Variants in TUBA4B observed in about 807,000 individuals in gnomAD.
TUBA4B encodes the protein tubulin-like protein alpha-4B.
In TUBA4B, 13 loss-of-function variants were observed where a neutral mutation model predicts 18.4. The observed-to-expected ratio is 0.71, with a 90% CI of 0.46 to 1.12. TUBA4B has a LOEUF of 1.12. Among genes scored for constraint, TUBA4B ranks in the 50% most tolerant of loss-of-function variants. The pLI, the probability that TUBA4B is intolerant of heterozygous loss-of-function variation, is 0.00. For synonymous variants in TUBA4B, 101 were observed against 99.1 expected (o/e 1.02, Z -0.11); for missense variants, 244 against 250.0 (o/e 0.98, Z 0.16).
rs190952247 is a variant in TUBA4B, at chr2:219,264,560, A to T, written c.13-1961A>T. On this transcript the variant is annotated intron_variant, in intron 1 of 3. Coordinates refer to ENST00000490341, the MANE Select transcript of TUBA4B (RefSeq NM_001355221.1). ...TTGAGCGGTGGGGCTGTTATGAGGT[A>T]GAATAAGGGTTACATGAGCAGAAGC... Among the ~76,000 whole-genome samples the T allele has an allele frequency of 1.5e-4, 23 of 152,266 alleles. No homozygotes were observed. In the East Asian group the frequency reaches 3.7e-3, roughly 24 times the overall value.
chr2:219,272,118 G>T lies in TUBA4B; in HGVS notation c.*419G>T. 1.3e-6 allele frequency: 1 copy of T among 759,744 alleles called. No individual in the cohort carries two copies. The highest frequency in any genetic ancestry group is 4.3e-5 in the East Asian group (1 of 23,144). The allele number at this position is 759,744 out of a possible 1,614,324, so 47.1% of individuals were successfully genotyped here. ...GGGCATGGATAGTGTGGAGTGGGGG[G>T]AAGAAAAGATAGGGGGGATGAATAC... On this transcript the variant is annotated 3_prime_UTR_variant, in exon 4 of 4. Coordinates refer to ENST00000490341, the MANE Select transcript of TUBA4B (RefSeq NM_001355221.1).
At chr2:219,253,891 C>G (rs559586186) in intron 1 of TUBA4B, 2 of 1,418,472 alleles carry the variant, frequency 1.4e-6, no homozygotes, top group African/African-American at 3.0e-5. Context: ...CACGTTGAGT[C>G]GGGGTGACAG....
Position 219,271,599 on chromosome 2 carries a change from C to T in TUBA4B, c.626C>T (p.Pro209Leu). Residue 209 changes from proline (P) to leucine (L), a missense_variant, in exon 4 of 4, where the codon CCA (proline) becomes CTA (leucine). Pro to Leu is a moderately conservative substitution (Grantham distance 98). Coordinates refer to ENST00000490341, the MANE Select transcript of TUBA4B (RefSeq NM_001355221.1). ...VSYLTSTSPW[P>L]PMHQSSLQKR... is the part of the protein sequence containing the mutation. Reference sequence around the variant, plus strand: ...TACCTCACATCCACTTCCCCCTGGCCACCTATGCACCAGTCATCTCTGCAG... The same window carrying T: ...TACCTCACATCCACTTCCCCCTGGCTACCTATGCACCAGTCATCTCTGCAG... 2 of 1,614,152 alleles carry T rather than the reference C, an allele frequency of 1.2e-6. No homozygotes were observed. Among genetic ancestry groups the T allele is most frequent in the Non-Finnish European group, 1.7e-6 (2 of 1,179,982 alleles).
intron 1 of TUBA4B, among the ~76,000 whole-genome samples, chr2:219,259,124 T>TAATTAATA: frequency 7.4e-6 from 1 of 134,420 alleles, no homozygotes; most frequent in South Asian, 2.5e-4. Context: ...CTACTAAAAA[T>TAATTAATA]AATAAATAAA....
intron 1 of TUBA4B, among the ~76,000 whole-genome samples, chr2:219,260,472 T>G (rs1232414120): frequency 6.6e-6 from 1 of 152,172 alleles, no homozygotes; most frequent in African/African-American, 2.4e-5. Context: ...CAAATTTATA[T>G]CTCCATTTCT....
At chr2:219,253,854 A>T in intron 1 of TUBA4B, 1 of 1,485,862 alleles carries the variant, frequency 6.7e-7, no homozygotes, top group Non-Finnish European at 8.9e-7. Flanking sequence ...GGCCGCACTC[A>T]CCATGGTGAG....
chr2:219,266,407 C>T, intron 1 of TUBA4B, 114 bp from the exon 2 acceptor site: 1 of 625,258 alleles, frequency 1.6e-6, no homozygotes, highest in Non-Finnish European at 2.9e-6. Flanking sequence ...CCCTGCCCTC[C>T]CAGGCCGTTT....
intron 3 of TUBA4B, among the ~76,000 whole-genome samples, chr2:219,270,867 C>A (rs891806479): frequency 1.3e-5 from 2 of 151,908 alleles, no homozygotes; most frequent in African/African-American, 4.8e-5. Flanking sequence ...GATGAGGGAG[C>A]CCTGGAGTCC....
At position 219,271,526 on chromosome 2, in the gene TUBA4B, G is replaced by T; in HGVS notation, c.553G>T (p.Gly185Trp). The T allele has an allele frequency of 6.2e-7, 1 of 1,614,104 alleles. No homozygotes were observed. Among genetic ancestry groups the T allele is most frequent in the South Asian group, 1.1e-5 (1 of 91,080 alleles). Residue 185 changes from glycine (G) to tryptophan (W), a missense_variant, in exon 4 of 4, where the codon GGG becomes TGG. Transcript: ENST00000490341. ...CATCACAGCTTCTCTGCGCTTTGAC[G>T]GGGCCCTCAATGTGGACCTGACAGA... ...SSITASLRFD[G>W]ALNVDLTEFQ...
rs866102475 is a variant in TUBA4B at position 219,270,943 on chromosome 2, C to T, written c.193-223C>T. On this transcript the variant is annotated intron_variant, in intron 3 of 3. Transcript: ENST00000490341. ...CATACCCCTCTTTTCCAGCATACAACAGAGCTCTGTGTTAAGGGCCTCAGG... is the reference window on the plus strand; with the variant it reads ...CATACCCCTCTTTTCCAGCATACAATAGAGCTCTGTGTTAAGGGCCTCAGG... Among the ~76,000 whole-genome samples, 3 of 151,702 alleles carry T rather than the reference C, an allele frequency of 2.0e-5. No individual in the cohort carries two copies. In the Middle Eastern group the frequency reaches 0.01, roughly 516 times the overall value.
chr2:219,261,146 G>A (rs765664261), intron 1 of TUBA4B, among the ~76,000 whole-genome samples: 136 of 152,158 alleles, frequency 8.9e-4, no homozygotes, highest in Middle Eastern at 3.4e-3. Context: ...AGAAATCTGA[G>A]TATAGGGTCT....
chr2:219,268,938 A>G (rs1332428230), intron 2 of TUBA4B, among the ~76,000 whole-genome samples: 4 of 152,096 alleles, frequency 2.6e-5, no homozygotes, highest in African/African-American at 7.2e-5. Flanking sequence ...CTACAAAAAA[A>G]TTTAAAACTT....
At chr2:219,270,602 C>T (rs918433562) in intron 3 of TUBA4B, among the ~76,000 whole-genome samples, 2 of 150,958 alleles carry the variant, frequency 1.3e-5, no homozygotes, top group Non-Finnish European at 2.9e-5. Flanking sequence ...GCTGCCTGGC[C>T]AAGCTGTGGG....
intron 1 of TUBA4B, among the ~76,000 whole-genome samples, chr2:219,259,329 A>G (rs917671507): frequency 6.7e-6 from 1 of 149,724 alleles, no homozygotes; most frequent in Non-Finnish European, 1.5e-5. Flanking sequence ...AAAAAAAAAA[A>G]AAAAAAAAAA....
At chr2:219,253,951 G>A (rs879528863) in intron 1 of TUBA4B, 5 of 739,486 alleles carry the variant, frequency 6.8e-6, no homozygotes, top group Middle Eastern at 4.8e-4. Context: ...CCTTATAGGC[G>A]GGGGGGGGGC....
At chr2:219,270,470 G>C in intron 3 of TUBA4B, 135 bp downstream of exon 3, 1 of 620,274 alleles carries the variant, frequency 1.6e-6, no homozygotes, top group Non-Finnish European at 2.9e-6. Flanking sequence ...AATGAGGAGA[G>C]GCCCTGCACT....
chr2:219,253,664 G>A (rs767075266), intron 1 of TUBA4B, among the ~76,000 whole-genome samples: 16 of 152,180 alleles, frequency 1.1e-4, no homozygotes, highest in Admixed American at 2.0e-4. Context: ...CCCAACCCCA[G>A]CCACCGAAGG....
Position 219,271,166 on chromosome 2 carries a change from G to T in TUBA4B, c.193G>T (p.Ala65Ser), listed in dbSNP as rs936144648. 1.1e-6 allele frequency: 1 copy of T among 914,842 alleles called. No homozygotes were observed. The highest frequency in any genetic ancestry group is 1.8e-6 in the Non-Finnish European group (1 of 549,462). The allele number at this position is 914,842 out of a possible 1,614,324, so 56.7% of individuals were successfully genotyped here. ...DLLLDRIRKL[A>S]DQCTGLQGFL... ...ATTTCCCCTCCCCTTCCCTGTCTAG[G>T]CTGACCAGTGCACAGGACTTCAGGG... The change falls in exon 4 of 4, where the codon GCT becomes TCT. Residue 65 changes from alanine (A) to serine (S), a missense_variant and splice_region_variant. Coordinates refer to ENST00000490341, the MANE Select transcript of TUBA4B (RefSeq NM_001355221.1).
chr2:219,253,290 C>T lies in TUBA4B; in HGVS notation c.-118C>T. On this transcript the variant is annotated 5_prime_UTR_variant, in exon 1 of 4. Coordinates refer to ENST00000490341, the MANE Select transcript of TUBA4B (RefSeq NM_001355221.1). ...GGGCTTCGGCTGGAGAGGGCCAGCT[C>T]GCTTCAGGAGGCCGAACCCCGTTCC... 2.7e-6 allele frequency: 4 copies of T among 1,508,810 alleles called. No individual in the cohort carries two copies. Among genetic ancestry groups the T allele is most frequent in the African/African-American group, 1.4e-5 (1 of 72,808 alleles). 93.5% of individuals were successfully genotyped at this position (1,508,810 alleles called of 1,614,324 possible).
Sources: allele counts gnomAD v4.1 joint callset (sites outside exome capture counted in the v4.1 genomes callset), GRCh38; gene constraint gnomAD v4.1.1; transcripts MANE v1.5; gene names NCBI Gene and HGNC (gene_info 2026-07-23, HGNC 2026-07-21).